The following CCSER1 variants were observed in gnomAD, a reference collection of about 807,000 sequenced individuals.
CCSER1 encodes serine-rich coiled-coil domain-containing protein 1.
In CCSER1, 41 loss-of-function variants were observed where a neutral mutation model predicts 82.0. That is an observed-to-expected ratio of 0.50 (90% CI 0.39 to 0.65). The LOEUF (loss-of-function observed/expected upper bound fraction) is 0.65. CCSER1 is among the 30% of genes least tolerant of loss of function. The pLI is 0.00. For synonymous variants in CCSER1, 414 were observed against 383.9 expected (o/e 1.08, Z -0.92); for missense variants, 1,119 against 1,064.2 (o/e 1.05, Z -0.72).
intron 10 of CCSER1, among the ~76,000 whole-genome samples, chr4:91,292,213 G>A (rs1743803118): frequency 6.6e-6 from 1 of 151,988 alleles, no homozygotes; most frequent in South Asian, 2.1e-4. Context: ...CAGAGCTAGA[G>A]AACTGGGTAT....
At chr4:90,237,083 G>A (rs978068544) in intron 1 of CCSER1, among the ~76,000 whole-genome samples, 3 of 152,094 alleles carry the variant, frequency 2.0e-5, no homozygotes, top group African/African-American at 4.8e-5. Context: ...CTATTTATAG[G>A]TAAAATAAAG....
intron 10 of CCSER1, among the ~76,000 whole-genome samples, chr4:91,143,369 G>T (rs1729220879): frequency 6.6e-6 from 1 of 151,742 alleles, no homozygotes; most frequent in Non-Finnish European, 1.5e-5. Context: ...TATCAGCTCT[G>T]GGTACCTTTT....
intron 10 of CCSER1, among the ~76,000 whole-genome samples, chr4:91,238,828 A>ATTT (rs5860225): frequency 1.4e-5 from 2 of 146,390 alleles, no homozygotes; most frequent in South Asian, 2.2e-4. Context: ...TATTTTAAGC[A>ATTT]TTTTTTTTTT....
intron 9 of CCSER1, among the ~76,000 whole-genome samples, chr4:90,928,677 C>G (rs1224886398): frequency 6.6e-6 from 1 of 151,870 alleles, no homozygotes; most frequent in Non-Finnish European, 1.5e-5. Context: ...CTAGGGAGGT[C>G]TGAGTTTGAG....
intron 10 of CCSER1, among the ~76,000 whole-genome samples, chr4:91,563,527 A>G (rs994247020): frequency 4.6e-5 from 6 of 131,646 alleles, no homozygotes; most frequent in African/African-American, 1.8e-4. Context: ...CCATATCTAC[A>G]CACACAGTGT....
At chr4:90,992,054 C>A (rs1196301431) in intron 9 of CCSER1, among the ~76,000 whole-genome samples, 2 of 152,058 alleles carry the variant, frequency 1.3e-5, no homozygotes, top group Admixed American at 1.3e-4. Context: ...TGACCTAAGT[C>A]AGCCTGCTTA....
intron 3 of CCSER1, among the ~76,000 whole-genome samples, chr4:90,338,213 T>C (rs1260054856): frequency 3.3e-5 from 5 of 152,220 alleles, no homozygotes; most frequent in African/African-American, 4.8e-5. Context: ...CACTTGCTCC[T>C]TTCTACCTAT....
chr4:91,446,284 A>G (rs1275671766), intron 10 of CCSER1, among the ~76,000 whole-genome samples: 1 of 152,160 alleles, frequency 6.6e-6, no homozygotes, highest in Non-Finnish European at 1.5e-5. Context: ...GCAAGAATAC[A>G]TTGGTTATAA....
At chr4:91,574,863 T>C (rs1712413489) in intron 10 of CCSER1, among the ~76,000 whole-genome samples, 1 of 152,014 alleles carries the variant, frequency 6.6e-6, no homozygotes, top group Non-Finnish European at 1.5e-5. Context: ...GTAACAAACC[T>C]GCACATGTAC....
At chr4:91,135,847 T>TA (rs1020496933) in intron 10 of CCSER1, among the ~76,000 whole-genome samples, 2 of 152,208 alleles carry the variant, frequency 1.3e-5, no homozygotes, top group Non-Finnish European at 2.9e-5. Context: ...GTTTATTTTT[T>TA]AAAAATATCT....
At chr4:90,776,984 A>T (rs946275016) in intron 7 of CCSER1, among the ~76,000 whole-genome samples, 1 of 152,186 alleles carries the variant, frequency 6.6e-6, no homozygotes, top group Non-Finnish European at 1.5e-5. Context: ...CAAGATAGGC[A>T]CTCAGAAGGT....
chr4:90,345,999 G>A (rs895247611), intron 3 of CCSER1, among the ~76,000 whole-genome samples: 1 of 151,588 alleles, frequency 6.6e-6, no homozygotes, highest in Non-Finnish European at 1.5e-5. Flanking sequence ...TTATTTCTGT[G>A]GTCTAACCAC....
intron 8 of CCSER1, among the ~76,000 whole-genome samples, chr4:90,816,381 T>G (rs1311980017): frequency 6.6e-6 from 1 of 152,158 alleles, no homozygotes; most frequent in Admixed American, 6.5e-5. Flanking sequence ...AGAGTATGGT[T>G]TTTAATGTAA....
chr4:91,279,182 G>A (rs1265423909), intron 10 of CCSER1, among the ~76,000 whole-genome samples: 1 of 151,628 alleles, frequency 6.6e-6, no homozygotes, highest in Non-Finnish European at 1.5e-5. Context: ...ATGCTTTTCT[G>A]TTGCTGTTTT....
intron 10 of CCSER1, among the ~76,000 whole-genome samples, chr4:91,287,992 A>T (rs1326582195): frequency 3.6e-5 from 4 of 109,914 alleles, no homozygotes; most frequent in African/African-American, 1.3e-4. Context: ...AAAAGAAAAA[A>T]AATAAATGAC....
intron 6 of CCSER1, among the ~76,000 whole-genome samples, chr4:90,657,739 C>T (rs2149079581): frequency 6.6e-6 from 1 of 152,272 alleles, no homozygotes; most frequent in Non-Finnish European, 1.5e-5. Context: ...CAATTCTCTG[C>T]TGAAATTTTT....
intron 10 of CCSER1, among the ~76,000 whole-genome samples, chr4:91,160,694 CTTT>C (rs1295744408): frequency 6.6e-6 from 1 of 152,122 alleles, no homozygotes; most frequent in Non-Finnish European, 1.5e-5. Context: ...TAAATGCCTT[CTTT>C]TGAGAAGTGT....
intron 1 of CCSER1, among the ~76,000 whole-genome samples, chr4:90,158,224 G>A (rs191579750): frequency 9.1e-4 from 138 of 152,246 alleles, no homozygotes; most frequent in African/African-American, 3.1e-3. Context: ...CTGTCTGATC[G>A]TTCCTCTGGA....
intron 10 of CCSER1, among the ~76,000 whole-genome samples, chr4:91,394,493 A>G (rs1751847322): frequency 1.3e-5 from 2 of 152,096 alleles, no homozygotes; most frequent in South Asian, 4.1e-4. Context: ...ACTATTAATT[A>G]GTTCGGCAGA....
Sources: gnomAD v4.1 joint callset for allele counts (sites outside exome capture counted in the v4.1 genomes callset) on GRCh38, gnomAD v4.1.1 for gene constraint, MANE v1.5 for transcripts, NCBI Gene and HGNC (gene_info 2026-07-23, HGNC 2026-07-21) for gene names.